Variants in FAM120C observed in about 807,000 individuals in gnomAD.
FAM120C encodes the protein family with sequence similarity 120 member C, also known as constitutive coactivator of PPAR-gamma-like protein 2.
In FAM120C, 14 loss-of-function variants were observed where a neutral mutation model predicts 71.2. The observed-to-expected ratio is 0.20, with a 90% CI of 0.13 to 0.31. The LOEUF (loss-of-function observed/expected upper bound fraction) is 0.31. FAM120C is among the 10% of genes least tolerant of loss of function. FAM120C has a pLI of 1.00. For missense variants in FAM120C, 500 were observed against 879.0 expected (o/e 0.57, Z 5.45); for synonymous variants, 354 against 353.2 (o/e 1.00, Z -0.03).
chrX:54,092,802 C>G (rs930636113), intron 10 of FAM120C, among the ~76,000 whole-genome samples: 5 of 111,322 alleles, frequency 4.5e-5, no homozygotes, highest in African/African-American at 6.5e-5. Flanking sequence ...TCATTTTTAA[C>G]CTTTCCATCT....
chrX:54,159,413 C>T lies in FAM120C; in HGVS notation c.903G>A (p.Leu301=), dbSNP rs149963183. 8.9e-5 allele frequency: 108 copies of T among 1,209,901 alleles called. No individual in the cohort carries two copies. In the African/African-American group the frequency reaches 1.8e-3, roughly 20 times the overall value. ...TGGGGAAATTCATCCTCTTCAGGCC[C>T]AGCTGCTTGGCTACTTCTTGCATCA... ...QFLMQEVAKQ[L]GLKRMNFPIF... Residue 301 remains leucine, a synonymous_variant, in exon 2 of 16, where the codon CTG becomes CTA. Transcript: ENST00000375180.
chrX:54,115,920 A>G (rs946265599), intron 10 of FAM120C, among the ~76,000 whole-genome samples: 2 of 111,009 alleles, frequency 1.8e-5, no homozygotes, highest in Non-Finnish European at 1.9e-5. Context: ...CATCTCTACT[A>G]AAAATACAAA....
intron 3 of FAM120C, among the ~76,000 whole-genome samples, chrX:54,156,918 G>A (rs1293756694): frequency 9.4e-6 from 1 of 106,036 alleles, no homozygotes; most frequent in Admixed American, 1.0e-4. Flanking sequence ...AATGAGCCAG[G>A]CCTGTAATCC....
Position 54,134,953 on chromosome X carries a change from G to A in FAM120C, c.1494C>T (p.Ser498=), listed in dbSNP as rs377417670. The part of the protein sequence containing the change: ...QNSPFANWAV[S]YDSSASQFPN... Reference sequence around the variant, plus strand: ...GAAACTGGGATGCAGAAGAGTCATAGGAGACAGCCCAATTGGCAAAGGGGC... The same window carrying A: ...GAAACTGGGATGCAGAAGAGTCATAAGAGACAGCCCAATTGGCAAAGGGGC... Residue 498 remains serine (S), a synonymous_variant, in exon 7 of 16, where the codon TCC becomes TCT. Transcript: ENST00000375180. The A allele has an allele frequency of 9.1e-6, 11 of 1,211,629 alleles. No homozygotes were observed. Among genetic ancestry groups the A allele is most frequent in the South Asian group, 3.5e-5 (2 of 56,951 alleles).
At chrX:54,125,133 C>A (rs946937608) in intron 9 of FAM120C, among the ~76,000 whole-genome samples, 1 of 106,702 alleles carries the variant, frequency 9.4e-6, no homozygotes, top group African/African-American at 3.4e-5. Flanking sequence ...TGCTTGAGCC[C>A]GGGAGGCAGA....
chrX:54,157,443 C>T (rs1397049363), intron 3 of FAM120C, among the ~76,000 whole-genome samples: 1 of 110,815 alleles, frequency 9.0e-6, no homozygotes. Flanking sequence ...TTAGTAGAGA[C>T]GAGGTTTCAC....
intron 10 of FAM120C, among the ~76,000 whole-genome samples, chrX:54,096,333 C>T (rs1209231818): frequency 9.0e-6 from 1 of 111,413 alleles, no homozygotes; most frequent in African/African-American, 3.3e-5. Flanking sequence ...ATTGCTTGAG[C>T]CCAGGAGGCG....
intron 13 of FAM120C, 104 bp downstream of exon 13, chrX:54,085,611 T>G: frequency 6.1e-4 from 449 of 736,896 alleles, no homozygotes; most frequent in Non-Finnish European, 7.8e-4. Context: ...GTCAATGAGA[T>G]GAGATATATG....
chrX:54,170,529 T>C (rs782054193), intron 1 of FAM120C, among the ~76,000 whole-genome samples: 1 of 112,042 alleles, frequency 8.9e-6, no homozygotes, highest in South Asian at 3.7e-4. Context: ...AGGGAAAACT[T>C]GGATTTTTAA....
At chrX:54,107,057 A>G (rs949427860) in intron 10 of FAM120C, among the ~76,000 whole-genome samples, 4 of 111,166 alleles carry the variant, frequency 3.6e-5, no homozygotes, top group Non-Finnish European at 7.5e-5. Flanking sequence ...GTAGAGAACC[A>G]AATAAATGGG....
chrX:54,138,457 G>A (rs1056650982), intron 4 of FAM120C, among the ~76,000 whole-genome samples: 8 of 91,842 alleles, frequency 8.7e-5, no homozygotes, highest in Non-Finnish European at 1.7e-4. Context: ...CCGAAATTGT[G>A]CCACCGCACT....
intron 4 of FAM120C, among the ~76,000 whole-genome samples, chrX:54,145,710 G>C (rs2067151496): frequency 8.9e-6 from 1 of 111,973 alleles, no homozygotes; most frequent in Admixed American, 9.5e-5. Context: ...CTGTTGGTGG[G>C]ACTGGAAACT....
intron 4 of FAM120C, among the ~76,000 whole-genome samples, chrX:54,144,175 A>C (rs1266561671): frequency 2.7e-5 from 3 of 111,654 alleles, no homozygotes; most frequent in Non-Finnish European, 5.6e-5. Context: ...CAAAATAATA[A>C]GAGCTATTTA....
chrX:54,176,945 T>C (rs1000107714), intron 1 of FAM120C, among the ~76,000 whole-genome samples: 4 of 111,980 alleles, frequency 3.6e-5, no homozygotes, highest in Non-Finnish European at 5.6e-5. Context: ...GAAGGCTTCA[T>C]CTACCACAGC....
At chrX:54,133,432 G>A (rs2067078451) in intron 8 of FAM120C, among the ~76,000 whole-genome samples, 1 of 112,748 alleles carries the variant, frequency 8.9e-6, no homozygotes, top group Non-Finnish European at 1.9e-5. Flanking sequence ...TAAGACCAGA[G>A]GAGGGGAACA....
Position 54,182,939 on chromosome X carries a change from G to A in FAM120C, c.260C>T (p.Pro87Leu). The A allele has an allele frequency of 1.7e-6, 2 of 1,161,192 alleles. No individual in the cohort carries two copies. Among genetic ancestry groups the A allele is most frequent in the African/African-American group, 3.6e-5 (2 of 55,607 alleles). The stretch of plus-strand genomic sequence containing the variant: ...GCCATGATGGTGGAAGTGGTGAGCG[G>A]GGTGATGGTGCCGAGTCGGCCCCGC... ...GGAGPTRHHH[P>L]AHHFHHHGQA... The change falls in exon 1 of 16, where the codon CCC (proline) becomes CTC (leucine). Residue 87 changes from proline (P) to leucine (L), a missense_variant. Pro to Leu is a moderately conservative substitution (Grantham distance 98). This residue lies in a region of FAM120C where 79 missense variants were observed against 78.3 expected (regional missense o/e 1.01). Coordinates refer to ENST00000375180, the MANE Select transcript of FAM120C (RefSeq NM_017848.6).
intron 12 of FAM120C, among the ~76,000 whole-genome samples, chrX:54,086,523 G>C (rs1231745995): frequency 9.0e-6 from 1 of 111,080 alleles, no homozygotes; most frequent in African/African-American, 3.3e-5. Flanking sequence ...GGAGGCCAAG[G>C]CAGGTGGATC....
chrX:54,114,183 C>T (rs1201104493), intron 10 of FAM120C, among the ~76,000 whole-genome samples: 1 of 110,956 alleles, frequency 9.0e-6, no homozygotes, highest in African/African-American at 3.3e-5. Context: ...TCAAGTACCA[C>T]ATGCTCTCAC....
intron 4 of FAM120C, among the ~76,000 whole-genome samples, chrX:54,137,549 T>A (rs1179448666): frequency 1.8e-5 from 2 of 112,116 alleles, no homozygotes; most frequent in African/African-American, 6.5e-5. Flanking sequence ...TGTAACCTCT[T>A]CCCTAATAAA....
Sources: allele counts gnomAD v4.1 joint callset (sites outside exome capture counted in the v4.1 genomes callset), GRCh38; gene constraint gnomAD v4.1.1; regional missense constraint gnomAD v4.1.1; transcripts MANE v1.5; gene names NCBI Gene and HGNC (gene_info 2026-07-23, HGNC 2026-07-21).